Variants in RBM19 observed in about 807,000 individuals in gnomAD.
The protein encoded by RBM19 is probable RNA-binding protein 19.
In RBM19, 94 loss-of-function variants were observed where a neutral mutation model predicts 116.8. The ratio of observed to expected loss-of-function variants is 0.80; its 90% CI spans 0.68 to 0.95. RBM19 has a LOEUF of 0.95. Ranked by LOEUF, RBM19 falls within the 40% of genes least tolerant of loss-of-function variation. RBM19 has a pLI of 0.00. For synonymous variants in RBM19, 475 were observed against 494.1 expected (o/e 0.96, Z 0.51); for missense variants, 1,161 against 1,220.7 (o/e 0.95, Z 0.73).
chr12:113,828,502 G>A lies in RBM19; in HGVS notation c.2786-5181C>T, dbSNP rs140797306. ...ACAGAACTGATTCCAAGAGGCCGGG[G>A]TGAAGGGCAGGGGGCGGGGGCACAG... On this transcript the variant is annotated intron_variant, in intron 23 of 23. Coordinates refer to ENST00000261741, the MANE Select transcript of RBM19 (RefSeq NM_016196.4). Among the ~76,000 whole-genome samples, 871 of 152,082 alleles carry A rather than the reference G, an allele frequency of 5.7e-3. 11 individuals carry two copies. Among genetic ancestry groups the A allele is most frequent in the African/African-American group, 0.02 (828 of 41,494 alleles).
At chr12:113,912,450 A>G (rs536937892) in intron 21 of RBM19, among the ~76,000 whole-genome samples, 14 of 152,358 alleles carry the variant, frequency 9.2e-5, no homozygotes, top group African/African-American at 3.4e-4. Context: ...GAAAACAGGC[A>G]GCAGAGAGGA....
chr12:113,835,944 C>T (rs571457923), intron 23 of RBM19, among the ~76,000 whole-genome samples: 3 of 152,356 alleles, frequency 2.0e-5, no homozygotes, highest in South Asian at 2.1e-4. Context: ...CAGGGTTCTG[C>T]GCACGGATTT....
chr12:113,965,913 G>A (rs145257058), intron 1 of RBM19, among the ~76,000 whole-genome samples: 2 of 152,278 alleles, frequency 1.3e-5, no homozygotes, highest in African/African-American at 4.8e-5. Context: ...GTGGGAGCAG[G>A]GTATTCGCCA....
intron 21 of RBM19, among the ~76,000 whole-genome samples, chr12:113,870,285 C>G (rs555648569): frequency 6.6e-6 from 1 of 152,152 alleles, no homozygotes; most frequent in East Asian, 1.9e-4. Context: ...TCAGGGTGGC[C>G]GCTCAACTTC....
At chr12:113,953,857 A>ATTAC (rs111813673) in intron 7 of RBM19, among the ~76,000 whole-genome samples, 24,900 of 152,180 alleles carry the variant, frequency 0.16, 2,757 homozygotes, top group African/African-American at 0.32. Flanking sequence ...ATTTTAAAGG[A>ATTAC]TTACCAAAAA....
chr12:113,895,392 C>T (rs1030877836), intron 21 of RBM19, among the ~76,000 whole-genome samples: 1 of 152,140 alleles, frequency 6.6e-6, no homozygotes, highest in East Asian at 1.9e-4. Flanking sequence ...CGGCTCCAAA[C>T]CCACTTTCCT....
intron 8 of RBM19, among the ~76,000 whole-genome samples, chr12:113,951,067 A>G (rs989751626): frequency 6.6e-6 from 1 of 152,032 alleles, no homozygotes; most frequent in African/African-American, 2.4e-5. Context: ...GAAGCCCACA[A>G]TCTTTTTCTT....
chr12:113,907,757 C>G (rs906557634), intron 21 of RBM19, among the ~76,000 whole-genome samples: 6 of 152,258 alleles, frequency 3.9e-5, no homozygotes, highest in Admixed American at 2.0e-4. Context: ...CCACTTAGGC[C>G]TTGTGTTTAA....
chr12:113,836,311 T>C (rs772823448), intron 23 of RBM19, among the ~76,000 whole-genome samples: 3 of 152,136 alleles, frequency 2.0e-5, no homozygotes, highest in Admixed American at 6.5e-5. Context: ...TGCTATTCCC[T>C]TTTGAAAGCA....
chr12:113,893,406 C>T (rs373620234), intron 21 of RBM19, among the ~76,000 whole-genome samples: 1 of 152,186 alleles, frequency 6.6e-6, no homozygotes, highest in Non-Finnish European at 1.5e-5. Flanking sequence ...GCTGGGATTA[C>T]AGGTGTGAGC....
In RBM19 at chr12:113,946,480, A is replaced by T. The variant is rs535051434; in HGVS notation, c.1408-5T>A. 1.1e-4 allele frequency: 172 copies of T among 1,614,082 alleles called. 3 individuals are homozygous for T. The South Asian group carries it at 1.8e-3, about 17-fold the overall frequency. The stretch of plus-strand genomic sequence containing the variant: ...TAACACGTGGAGCATCCTGCCCTGG[A>T]TGGGAATGACGGGAAGGGAGTAAAC... On this transcript the variant is annotated splice_polypyrimidine_tract_variant and splice_region_variant and intron_variant, in intron 11 of 23. Coordinates refer to ENST00000261741, the MANE Select transcript of RBM19 (RefSeq NM_016196.4).
intron 23 of RBM19, among the ~76,000 whole-genome samples, chr12:113,830,589 G>GGGGGGGGT (rs1565960614): frequency 5.5e-5 from 4 of 73,104 alleles, no homozygotes; most frequent in Non-Finnish European, 7.7e-5. Context: ...GGGGGGGGGG[G>GGGGGGGGT]TGGGCTATGC....
intron 22 of RBM19, among the ~76,000 whole-genome samples, chr12:113,851,734 GTT>G (rs11361920): frequency 1.7e-4 from 25 of 144,246 alleles, no homozygotes; most frequent in South Asian, 6.7e-4. Context: ...TTGTGGTAAA[GTT>G]TTTTTTTTTT....
Position 113,831,181 on chromosome 12 carries a change from C to T in RBM19, c.2786-7860G>A, listed in dbSNP as rs116590798. Among the ~76,000 whole-genome samples, 1,166 of 152,294 alleles carry T rather than the reference C, an allele frequency of 7.7e-3. 15 individuals are homozygous for T. Among genetic ancestry groups the T allele is most frequent in the African/African-American group, 0.025 (1,058 of 41,544 alleles). On this transcript the variant is annotated intron_variant, in intron 23 of 23. Coordinates refer to ENST00000261741, the MANE Select transcript of RBM19 (RefSeq NM_016196.4). ...AGTAGGAAAATAGTGATGATTCATT[C>T]AAAACCATTGTTTTCATAACTGGTA...
chr12:113,857,696 G>A (rs573164262), intron 22 of RBM19, among the ~76,000 whole-genome samples: 1 of 152,366 alleles, frequency 6.6e-6, no homozygotes, highest in South Asian at 2.1e-4. Context: ...GGAGACAAAG[G>A]TGGCTGGCGA....
In RBM19 at chr12:113,951,538, A is replaced by ACACACACACAC. The variant is rs1566038702; in HGVS notation, c.1000+973_1000+974insGTGTGTGTGTG. 9.3e-4 allele frequency among the ~76,000 whole-genome samples: 139 copies of ACACACACACAC among 150,236 alleles called. 1 individual carries two copies. The highest frequency in any genetic ancestry group is 2.8e-3 in the African/African-American group (117 of 41,186). On this transcript the variant is annotated intron_variant, in intron 8 of 23. Coordinates refer to ENST00000261741, the MANE Select transcript of RBM19 (RefSeq NM_016196.4). ...TTACCTGACTGCACACACACACACA[A>ACACACACACAC]ACACACACACACTCACACACACAAA...
Position 113,823,282 on chromosome 12 carries a change from A to G in RBM19, c.2825T>C (p.Ile942Thr), listed in dbSNP as rs776244810. The G allele has an allele frequency of 4.3e-6, 7 of 1,613,024 alleles. No homozygotes were observed. In the East Asian group the frequency reaches 1.6e-4, roughly 36 times the overall value. Residue 942 changes from isoleucine (I) to threonine (T), a missense_variant, in exon 24 of 24, where the codon ATC becomes ACC. Ile to Thr is a moderately conservative substitution (Grantham distance 89). Transcript: ENST00000261741. ...KKKRSVVLDE[I>T]LEQLEGSDSD... Reference sequence around the variant, plus strand: ...GTCACTGCCTTCCAGCTGCTCCAGGATCTCGTCCAACACCACAGACCGCTT... The same window carrying G: ...GTCACTGCCTTCCAGCTGCTCCAGGGTCTCGTCCAACACCACAGACCGCTT...
intron 22 of RBM19, among the ~76,000 whole-genome samples, chr12:113,851,734 G>GA: frequency 6.9e-6 from 1 of 144,226 alleles, no homozygotes; most frequent in East Asian, 2.0e-4. Context: ...TTGTGGTAAA[G>GA]TTTTTTTTTT....
intron 21 of RBM19, among the ~76,000 whole-genome samples, chr12:113,893,894 A>G (rs1323035532): frequency 6.6e-6 from 1 of 152,228 alleles, no homozygotes; most frequent in African/African-American, 2.4e-5. Context: ...TGTACTGGAC[A>G]GCGTAGATGG....
Sources: gnomAD v4.1 joint callset for allele counts (sites outside exome capture counted in the v4.1 genomes callset) on GRCh38, gnomAD v4.1.1 for gene constraint, MANE v1.5 for transcripts, NCBI Gene and HGNC (gene_info 2026-07-23, HGNC 2026-07-21) for gene names.